HDAC8: variants seen among roughly 807,000 people sequenced by gnomAD.
The protein encoded by HDAC8 is histone deacetylase 8.
A neutral mutation model predicts 32.2 loss-of-function variants in HDAC8; 1 was observed. That is an observed-to-expected ratio of 0.03 (90% CI 0.01 to 0.15). The LOEUF (loss-of-function observed/expected upper bound fraction) is 0.15. HDAC8 is among the 10% of genes least tolerant of loss of function. The probability of loss-of-function intolerance (pLI) is 1.00; values close to 1 mark genes in which losing one functional copy is unlikely to be tolerated. For synonymous variants in HDAC8, 108 were observed against 113.9 expected (o/e 0.95, Z 0.33); for missense variants, 117 against 300.0 (o/e 0.39, Z 4.51).
chrX:72,555,501 C>G (rs2051253556), intron 4 of HDAC8, among the ~76,000 whole-genome samples: 1 of 111,555 alleles, frequency 9.0e-6, no homozygotes, highest in African/African-American at 3.3e-5. Flanking sequence ...AAATCAAAAA[C>G]ATGATAAAGG....
intron 4 of HDAC8, among the ~76,000 whole-genome samples, chrX:72,532,121 G>A (rs2050361129): frequency 9.0e-6 from 1 of 110,839 alleles, no homozygotes; most frequent in African/African-American, 3.3e-5. Context: ...TCACTCTGTT[G>A]CCCAGGCTAG....
At chrX:72,373,645 G>A (rs2044955166) in intron 9 of HDAC8, among the ~76,000 whole-genome samples, 1 of 112,187 alleles carries the variant, frequency 8.9e-6, no homozygotes, top group Non-Finnish European at 1.9e-5. Flanking sequence ...GTTTTTGGCT[G>A]TTATGAATAG....
intron 7 of HDAC8, among the ~76,000 whole-genome samples, chrX:72,485,850 G>C (rs2048654062): frequency 1.8e-5 from 2 of 111,568 alleles, no homozygotes; most frequent in African/African-American, 6.5e-5. Context: ...GGCTAGGCGT[G>C]GTGGCTCATG....
At chrX:72,349,804 T>C (rs1380398657) in intron 10 of HDAC8, among the ~76,000 whole-genome samples, 2 of 111,823 alleles carry the variant, frequency 1.8e-5, no homozygotes, top group African/African-American at 6.5e-5. Flanking sequence ...TCCCTGGGTA[T>C]GTGTGCAGGG....
At chrX:72,475,827 C>T (rs1556000290) in intron 7 of HDAC8, among the ~76,000 whole-genome samples, 1 of 111,498 alleles carries the variant, frequency 9.0e-6, no homozygotes, top group Non-Finnish European at 1.9e-5. Context: ...ACCAACCAAC[C>T]AACCAAACAA....
chrX:72,389,279 G>A (rs2147847034), intron 9 of HDAC8, among the ~76,000 whole-genome samples: 1 of 112,165 alleles, frequency 8.9e-6, no homozygotes, highest in South Asian at 3.7e-4. Context: ...TGGAGTTGGT[G>A]TTAGCTTTGT....
chrX:72,551,079 GCA>G (rs56118046), intron 4 of HDAC8, among the ~76,000 whole-genome samples: 6,944 of 95,832 alleles, frequency 0.072, 266 homozygotes, highest in Admixed American at 0.19. Context: ...TGAAGTCAGC[GCA>G]CACACACACA....
intron 9 of HDAC8, among the ~76,000 whole-genome samples, chrX:72,429,023 C>CTTT (rs1156351998): frequency 3.7e-5 from 3 of 80,698 alleles, no homozygotes; most frequent in Admixed American, 1.5e-4. Flanking sequence ...TTCTTTCTTT[C>CTTT]TTTTTTTTTT....
Position 72,516,247 on chromosome X carries a change from T to C in HDAC8, c.438-20979A>G, listed in dbSNP as rs782022141. Among the ~76,000 whole-genome samples the C allele has an allele frequency of 9.3e-4, 104 of 112,124 alleles. 1 individual carries two copies. Among genetic ancestry groups the C allele is most frequent in the Non-Finnish European group, 1.7e-3 (93 of 53,232 alleles). ...TGTTGCCAAGAAAGGTTAATGAGTTTAGTTTAATGGTATAAAGCTAATTTC... is the reference window on the plus strand; with the variant it reads ...TGTTGCCAAGAAAGGTTAATGAGTTCAGTTTAATGGTATAAAGCTAATTTC... On this transcript the variant is annotated intron_variant, in intron 4 of 10. Transcript: ENST00000373573.
chrX:72,532,249 A>T (rs868971214), intron 4 of HDAC8, among the ~76,000 whole-genome samples: 23 of 54,151 alleles, frequency 4.2e-4, no homozygotes, highest in Admixed American at 9.0e-4. Flanking sequence ...CGTGTTGGGC[A>T]TTTTTTTTTT....
chrX:72,356,725 G>A (rs139890805), intron 9 of HDAC8, among the ~76,000 whole-genome samples: 1,285 of 111,407 alleles, frequency 0.012, 14 homozygotes, highest in African/African-American at 0.04. Context: ...GACTACAGGA[G>A]CACACCACCA....
At chrX:72,365,097 T>A (rs782450698) in intron 9 of HDAC8, among the ~76,000 whole-genome samples, 25 of 111,723 alleles carry the variant, frequency 2.2e-4, no homozygotes, top group African/African-American at 7.8e-4. Context: ...GTATTTTGAA[T>A]TTTTTTTCAG....
intron 7 of HDAC8, chrX:72,474,101 T>C (rs2048261407): frequency 4.0e-6 from 3 of 743,488 alleles, no homozygotes; most frequent in Non-Finnish European, 3.2e-6. Context: ...AACACTCATA[T>C]ACATTCACAC....
chrX:72,556,257 T>G (rs1556093009), intron 4 of HDAC8, among the ~76,000 whole-genome samples: 2 of 112,042 alleles, frequency 1.8e-5, no homozygotes, highest in Non-Finnish European at 1.9e-5. Flanking sequence ...AAAATAAGCA[T>G]AAATCTTGAA....
chrX:72,439,133 G>T (rs1282610971), intron 9 of HDAC8, among the ~76,000 whole-genome samples: 10 of 112,051 alleles, frequency 8.9e-5, no homozygotes, highest in African/African-American at 2.9e-4. Flanking sequence ...AACTCTACAA[G>T]CCAGAAGAGA....
chrX:72,404,179 CT>C (rs1351239961), intron 9 of HDAC8, among the ~76,000 whole-genome samples: 1 of 110,756 alleles, frequency 9.0e-6, no homozygotes, highest in African/African-American at 3.3e-5. Context: ...GTTTTTGCTG[CT>C]TTATTGACTT....
chrX:72,509,825 A>G (rs782677900), intron 4 of HDAC8, among the ~76,000 whole-genome samples: 9 of 110,495 alleles, frequency 8.1e-5, no homozygotes, highest in African/African-American at 3.0e-4. Flanking sequence ...TTAATACTGT[A>G]ATGTTGTTGA....
intron 9 of HDAC8, among the ~76,000 whole-genome samples, chrX:72,372,110 T>C (rs1296819330): frequency 9.0e-6 from 1 of 111,204 alleles, no homozygotes; most frequent in Admixed American, 9.5e-5. Context: ...CACCAAGGGC[T>C]CCTGGGCCTT....
At chrX:72,480,582 T>C in intron 7 of HDAC8, 1 of 245,314 alleles carries the variant, frequency 4.1e-6, no homozygotes, top group Non-Finnish European at 7.6e-6. Context: ...TATAAGTCAT[T>C]CTACTATAAA....
Sources: gnomAD v4.1 joint callset for allele counts (sites outside exome capture counted in the v4.1 genomes callset) on GRCh38, gnomAD v4.1.1 for gene constraint, MANE v1.5 for transcripts, NCBI Gene and HGNC (gene_info 2026-07-23, HGNC 2026-07-21) for gene names.